FSTL4: variants seen among roughly 807,000 people sequenced by gnomAD.
The protein encoded by FSTL4 is follistatin like 4.
Under a neutral mutation model 78.2 loss-of-function variants are expected in FSTL4, and 28 were observed. That is an observed-to-expected ratio of 0.36 (90% CI 0.27 to 0.49). The LOEUF is 0.49. FSTL4 is among the 20% of genes least tolerant of loss of function. FSTL4 has a pLI of 0.98. For missense variants in FSTL4, 922 were observed against 1,084.9 expected (o/e 0.85, Z 2.11); for synonymous variants, 422 against 440.5 (o/e 0.96, Z 0.53).
At chr5:133,397,735 C>T (rs1389581487) in intron 4 of FSTL4, among the ~76,000 whole-genome samples, 2 of 152,180 alleles carry the variant, frequency 1.3e-5, no homozygotes, top group East Asian at 3.9e-4. Flanking sequence ...TCCTCTTGCT[C>T]CACACACTCC....
chr5:133,274,038 T>C (rs1471059816), intron 6 of FSTL4, among the ~76,000 whole-genome samples: 2 of 152,232 alleles, frequency 1.3e-5, no homozygotes, highest in African/African-American at 4.8e-5. Flanking sequence ...CTTAGGATAT[T>C]AATGCCTGCA....
intron 6 of FSTL4, among the ~76,000 whole-genome samples, chr5:133,298,537 C>T (rs1489074512): frequency 6.6e-6 from 1 of 152,216 alleles, no homozygotes; most frequent in African/African-American, 2.4e-5. Flanking sequence ...TGAATGGATA[C>T]ATAAGAGCAA....
chr5:133,359,165 C>A (rs1256735797), intron 4 of FSTL4, among the ~76,000 whole-genome samples: 2 of 152,160 alleles, frequency 1.3e-5, no homozygotes, highest in Non-Finnish European at 1.5e-5. Context: ...TCTTTGGTGG[C>A]CATTCTGTGT....
chr5:133,327,934 CAA>C (rs1441078746), intron 4 of FSTL4, among the ~76,000 whole-genome samples: 1 of 152,216 alleles, frequency 6.6e-6, no homozygotes, highest in Non-Finnish European at 1.5e-5. Flanking sequence ...TCCCAGGATT[CAA>C]AGAGGGCCTT....
intron 7 of FSTL4, among the ~76,000 whole-genome samples, chr5:133,238,723 C>T (rs1457536846): frequency 3.3e-5 from 5 of 152,368 alleles, no homozygotes; most frequent in South Asian, 4.1e-4. Context: ...AGTGCACACA[C>T]GTACCAACAT....
the FSTL4 span, among the ~76,000 whole-genome samples, chr5:133,687,308 C>A: frequency 6.6e-6 from 1 of 152,166 alleles, no homozygotes; most frequent in East Asian, 1.9e-4. Context: ...GTGAGCCCAG[C>A]GGCAGGGAGG....
chr5:133,276,174 G>A (rs1752878597), intron 6 of FSTL4, among the ~76,000 whole-genome samples: 1 of 152,222 alleles, frequency 6.6e-6, no homozygotes, highest in South Asian at 2.1e-4. Context: ...CCTTCCTTAA[G>A]GAGGGAAATA....
the FSTL4 span, among the ~76,000 whole-genome samples, chr5:133,681,097 G>C: frequency 2.0e-5 from 3 of 152,258 alleles, no homozygotes; most frequent in Non-Finnish European, 4.4e-5. Context: ...CGAGTGTGCA[G>C]TGAGCAGTGC....
the FSTL4 span, among the ~76,000 whole-genome samples, chr5:133,749,081 G>A: frequency 6.6e-5 from 10 of 152,330 alleles, no homozygotes; most frequent in South Asian, 2.1e-3. Context: ...TGGGTTGGTT[G>A]TGGGTAGATA....
At position 133,498,281 on chromosome 5, in the gene FSTL4, T is replaced by C. The variant is rs10068360; in HGVS notation, c.160+68905A>G. Reference sequence around the variant, plus strand: ...TTCAGTGAAATAATGTTTGAGAAAGTTTCCTCTCCCCAAGACTCATTATTC... The same window carrying C: ...TTCAGTGAAATAATGTTTGAGAAAGCTTCCTCTCCCCAAGACTCATTATTC... On this transcript the variant is annotated intron_variant, in intron 3 of 15. Transcript: ENST00000265342. Among the ~76,000 whole-genome samples the C allele has an allele frequency of 8.6e-3, 1,311 of 152,284 alleles. 22 individuals carry two copies. Among genetic ancestry groups the C allele is most frequent in the African/African-American group, 0.03 (1,233 of 41,550 alleles).
the FSTL4 span, among the ~76,000 whole-genome samples, chr5:133,718,907 T>C: frequency 9.2e-5 from 14 of 152,212 alleles, no homozygotes; most frequent in African/African-American, 3.4e-4. Flanking sequence ...AATTGCTAAA[T>C]GTAAAGAATA....
Position 133,535,660 on chromosome 5 carries a change from C to G in FSTL4, c.160+31526G>C, listed in dbSNP as rs146663190. Among the ~76,000 whole-genome samples, 242 of 152,256 alleles carry G rather than the reference C, an allele frequency of 1.6e-3. 2 individuals carry two copies. The highest frequency in any genetic ancestry group is 5.5e-3 in the African/African-American group (229 of 41,542). Reference sequence around the variant, plus strand: ...TTTCCCACTTCACACCTCTATATTTCTGTGTGTGTGTCTTTAATTCTTCTA... The same window carrying G: ...TTTCCCACTTCACACCTCTATATTTGTGTGTGTGTGTCTTTAATTCTTCTA... On this transcript the variant is annotated intron_variant, in intron 3 of 15. Transcript: ENST00000265342.
At chr5:133,647,882 G>A in the FSTL4 span, among the ~76,000 whole-genome samples, 1 of 152,138 alleles carries the variant, frequency 6.6e-6, no homozygotes, top group African/African-American at 2.4e-5. Context: ...AAATTCCCAC[G>A]TGTTGTGGGA....
At chr5:133,549,232 C>T (rs927990156) in intron 3 of FSTL4, among the ~76,000 whole-genome samples, 1 of 152,094 alleles carries the variant, frequency 6.6e-6, no homozygotes, top group Non-Finnish European at 1.5e-5. Context: ...ATGACTGAGT[C>T]CTCCTTATCC....
At chr5:133,214,343 A>C (rs1561622026) in intron 13 of FSTL4, among the ~76,000 whole-genome samples, 1 of 152,222 alleles carries the variant, frequency 6.6e-6, no homozygotes, top group African/African-American at 2.4e-5. Context: ...GGCCAGGGGA[A>C]TCAATAACAA....
chr5:133,701,829 A>T, the FSTL4 span, among the ~76,000 whole-genome samples: 1 of 152,162 alleles, frequency 6.6e-6, no homozygotes, highest in Non-Finnish European at 1.5e-5. Context: ...GCCTGAGCTC[A>T]TCCCACTCAG....
chr5:133,643,671 CA>C, the FSTL4 span, among the ~76,000 whole-genome samples: 1 of 152,170 alleles, frequency 6.6e-6, no homozygotes, highest in Non-Finnish European at 1.5e-5. Flanking sequence ...CATAAGCAGA[CA>C]ATAAACACAA....
intron 3 of FSTL4, among the ~76,000 whole-genome samples, chr5:133,528,910 G>A (rs1222993975): frequency 6.6e-6 from 1 of 152,214 alleles, no homozygotes; most frequent in East Asian, 1.9e-4. Context: ...GCCATTAGAT[G>A]TGGCCATGTG....
At chr5:133,799,709 C>A in the FSTL4 span, among the ~76,000 whole-genome samples, 1 of 139,144 alleles carries the variant, frequency 7.2e-6, no homozygotes, top group Non-Finnish European at 1.6e-5. Flanking sequence ...CAGCTGGTAA[C>A]GCCTCCCCCT....
Sources: gnomAD v4.1 joint callset for allele counts (sites outside exome capture counted in the v4.1 genomes callset) on GRCh38, gnomAD v4.1.1 for gene constraint, MANE v1.5 for transcripts, NCBI Gene and HGNC (gene_info 2026-07-23, HGNC 2026-07-21) for gene names.